Variants in TTC28 observed in about 807,000 individuals in gnomAD.
The protein encoded by TTC28 is tetratricopeptide repeat protein 28.
Under a neutral mutation model 198.0 loss-of-function variants are expected in TTC28, and 61 were observed. The ratio of observed to expected loss-of-function variants is 0.31; its 90% confidence interval spans 0.25 to 0.38. TTC28 has a LOEUF of 0.38. Among genes scored for constraint, TTC28 ranks in the 10% least tolerant of loss-of-function variants. TTC28 has a pLI of 1.00. For missense variants in TTC28, 2,678 were observed against 3,164.0 expected (o/e 0.85, Z 3.69); for synonymous variants, 1,171 against 1,297.8 (o/e 0.90, Z 2.10).
In TTC28 at chr22:28,126,035, C is replaced by T. The variant is rs542593682; in HGVS notation, c.1442-17632G>A. On this transcript the variant is annotated intron_variant, in intron 6 of 22. Transcript: ENST00000397906. ...CTGTATTCTCTATTACTGAAAGACA[C>T]TGTACCCCTGAGGCAAAAAACAACA... Among the ~76,000 whole-genome samples the T allele has an allele frequency of 2.6e-5, 4 of 152,288 alleles. No individual in the cohort carries two copies. The East Asian group carries it at 5.8e-4, about 22-fold the overall frequency.
intron 6 of TTC28, among the ~76,000 whole-genome samples, chr22:28,118,169 C>T (rs1264661828): frequency 1.3e-5 from 2 of 152,150 alleles, no homozygotes; most frequent in Non-Finnish European, 2.9e-5. Flanking sequence ...GAGGCCAAGG[C>T]GGGTGGATCA....
intron 12 of TTC28, among the ~76,000 whole-genome samples, chr22:28,082,096 T>C (rs568295909): frequency 3.3e-5 from 5 of 152,368 alleles, no homozygotes; most frequent in African/African-American, 4.8e-5. Flanking sequence ...TTTTTGTTCA[T>C]TGATTTCATA....
In TTC28 at chr22:28,499,520, C is replaced by T. The variant is rs2048506067; in HGVS notation, c.381+130032G>A. ...TTACAATAAGAAAATACCTTTTTTC[C>T]TCTGGAAAAAAAAATGCAGATTTTA... On this transcript the variant is annotated intron_variant, in intron 2 of 22. Coordinates refer to ENST00000397906, the MANE Select transcript of TTC28 (RefSeq NM_001145418.2). Among the ~76,000 whole-genome samples, 3 of 151,424 alleles carry T rather than the reference C, an allele frequency of 2.0e-5. 1 individual carries two copies. The South Asian group carries it at 6.2e-4, about 31-fold the overall frequency.
At chr22:28,050,555 A>C (rs994235632) in intron 12 of TTC28, among the ~76,000 whole-genome samples, 2 of 152,198 alleles carry the variant, frequency 1.3e-5, no homozygotes, top group African/African-American at 4.8e-5. Context: ...GCATTTATAC[A>C]TCAAGGGGTT....
chr22:28,216,579 G>A (rs1403738635), intron 5 of TTC28, among the ~76,000 whole-genome samples: 2 of 151,892 alleles, frequency 1.3e-5, no homozygotes, highest in African/African-American at 2.4e-5. Context: ...TACATACAAA[G>A]GAAAGGTTAA....
At chr22:28,190,598 CA>C (rs1269501100) in intron 5 of TTC28, among the ~76,000 whole-genome samples, 2 of 152,290 alleles carry the variant, frequency 1.3e-5, no homozygotes, top group Non-Finnish European at 2.9e-5. Flanking sequence ...AGGAAACTCA[CA>C]TGAAAATTCA....
intron 2 of TTC28, among the ~76,000 whole-genome samples, chr22:28,553,406 G>A (rs1170186662): frequency 2.1e-5 from 3 of 140,738 alleles, no homozygotes; most frequent in South Asian, 2.3e-4. Flanking sequence ...GCCGCCCATC[G>A]TCTGAGATGT....
intron 2 of TTC28, among the ~76,000 whole-genome samples, chr22:28,603,712 A>G (rs2050679805): frequency 6.6e-6 from 1 of 152,148 alleles, no homozygotes; most frequent in Non-Finnish European, 1.5e-5. Flanking sequence ...AGCTTTTTCA[A>G]TATGATTATG....
intron 2 of TTC28, among the ~76,000 whole-genome samples, chr22:28,319,422 T>C (rs2045408675): frequency 6.6e-6 from 1 of 152,190 alleles, no homozygotes; most frequent in African/African-American, 2.4e-5. Flanking sequence ...GGAGTAGAGA[T>C]GGGCATTTCT....
rs146196800 is a variant in TTC28, at chr22:28,091,516, C to A, written c.3932+2564G>T. On this transcript the variant is annotated intron_variant, in intron 12 of 22. Coordinates refer to ENST00000397906, the MANE Select transcript of TTC28 (RefSeq NM_001145418.2). ...CCAAGTACCTTTATAATCTTGGTGG[C>A]CAGCAGTAGAAACATGAAAAAGGGA... 1.9e-3 allele frequency among the ~76,000 whole-genome samples: 293 copies of A among 152,156 alleles called. 1 individual carries two copies. The highest frequency in any genetic ancestry group is 2.8e-3 in the Non-Finnish European group (188 of 68,000).
intron 2 of TTC28, among the ~76,000 whole-genome samples, chr22:28,574,770 T>C (rs1365768406): frequency 6.6e-6 from 1 of 152,220 alleles, no homozygotes; most frequent in Non-Finnish European, 1.5e-5. Flanking sequence ...ATTTTTCTGA[T>C]AAACAATGAT....
At chr22:28,526,316 G>T (rs376527128) in intron 2 of TTC28, among the ~76,000 whole-genome samples, 3 of 151,832 alleles carry the variant, frequency 2.0e-5, no homozygotes, top group Non-Finnish European at 4.4e-5. Flanking sequence ...AATTTTTTTC[G>T]ATAATAAAAT....
intron 3 of TTC28, among the ~76,000 whole-genome samples, chr22:28,301,991 C>A (rs2045037563): frequency 1.3e-5 from 2 of 151,786 alleles, no homozygotes; most frequent in Non-Finnish European, 2.9e-5. Context: ...TGAGCCATGA[C>A]CATGCCACTA....
At chr22:28,142,560 A>G (rs1335784645) in intron 6 of TTC28, among the ~76,000 whole-genome samples, 4 of 152,204 alleles carry the variant, frequency 2.6e-5, no homozygotes, top group Non-Finnish European at 5.9e-5. Context: ...GTCACATTCC[A>G]TTATTTCTGG....
At chr22:28,241,733 A>C (rs934667698) in intron 5 of TTC28, among the ~76,000 whole-genome samples, 1 of 152,158 alleles carries the variant, frequency 6.6e-6, no homozygotes, top group African/African-American at 2.4e-5. Flanking sequence ...GAATTATATA[A>C]AAATAAAAAG....
At chr22:28,444,918 A>G (rs1333783616) in intron 2 of TTC28, among the ~76,000 whole-genome samples, 1 of 152,102 alleles carries the variant, frequency 6.6e-6, no homozygotes, top group African/African-American at 2.4e-5. Flanking sequence ...TAACTCCAAT[A>G]CTCTGTATAT....
At chr22:28,187,360 T>C (rs1924295063) in intron 5 of TTC28, among the ~76,000 whole-genome samples, 1 of 152,214 alleles carries the variant, frequency 6.6e-6, no homozygotes, top group Admixed American at 6.5e-5. Flanking sequence ...AAACACAGAA[T>C]CTTTATTTGC....
At chr22:28,020,616 A>G (rs745947088) in intron 13 of TTC28, among the ~76,000 whole-genome samples, 1 of 152,202 alleles carries the variant, frequency 6.6e-6, no homozygotes, top group Non-Finnish European at 1.5e-5. Context: ...GGAGGAAGCC[A>G]GCGCACTGCT....
At chr22:28,257,739 CATATAT>C (rs66590909) in intron 5 of TTC28, among the ~76,000 whole-genome samples, 2,514 of 96,112 alleles carry the variant, frequency 0.026, 40 homozygotes, top group Non-Finnish European at 0.031. Context: ...GGTAATAGAA[CATATAT>C]ATATATATAT....
Sources: allele counts gnomAD v4.1 joint callset (sites outside exome capture counted in the v4.1 genomes callset), GRCh38; gene constraint gnomAD v4.1.1; transcripts MANE v1.5; gene names NCBI Gene and HGNC (gene_info 2026-07-23, HGNC 2026-07-21).